The following SDS variants were observed in gnomAD, a reference collection of about 807,000 sequenced individuals.
SDS encodes the protein L-serine dehydratase/L-threonine deaminase.
In SDS, 19 loss-of-function variants were observed where a neutral mutation model predicts 29.3. That is an observed-to-expected ratio of 0.65 (90% CI 0.45 to 0.95). The LOEUF (loss-of-function observed/expected upper bound fraction) is 0.95, where lower values mean the gene tolerates loss of function less well. Ranked by LOEUF, SDS falls within the 40% of genes least tolerant of loss-of-function variation. SDS has a pLI of 0.00. For synonymous variants in SDS, 176 were observed against 189.0 expected (o/e 0.93, Z 0.56); for missense variants, 375 against 439.9 (o/e 0.85, Z 1.32).
Position 113,397,313 on chromosome 12 carries a change from C to T in SDS, c.505G>A (p.Gly169Ser), listed in dbSNP as rs371872753. 22 of 1,613,996 alleles carry T rather than the reference C, an allele frequency of 1.4e-5. No homozygotes were observed. Among genetic ancestry groups the T allele is most frequent in the Admixed American group, 1.7e-5 (1 of 60,008 alleles). ...KPGAIALSVGGGGLLCGVVQG... is the reference protein window; with the variant it reads ...KPGAIALSVGSGGLLCGVVQG... ...ACCACTCCACACAGCAGGCCCCCGCCGCCCACTGACAGCGCGATGGCCCCC... is the reference window on the plus strand; with the variant it reads ...ACCACTCCACACAGCAGGCCCCCGCTGCCCACTGACAGCGCGATGGCCCCC... Residue 169 changes from glycine (G) to serine (S), a missense_variant, in exon 6 of 8, where the codon GGC becomes AGC. Gly to Ser is a moderately conservative substitution (Grantham distance 56). Coordinates refer to ENST00000257549, the MANE Select transcript of SDS (RefSeq NM_006843.3).
intron 5 of SDS, among the ~76,000 whole-genome samples, chr12:113,397,636 G>C (rs932490320): frequency 1.3e-5 from 2 of 152,172 alleles, no homozygotes; most frequent in Non-Finnish European, 2.9e-5. Flanking sequence ...CAATGGCTAC[G>C]AGTCGGTGTA....
At position 113,397,198 on chromosome 12, in the gene SDS, G is replaced by C; in HGVS notation, c.620C>G (p.Ala207Gly). Residue 207 changes from alanine to glycine, a missense_variant, in exon 6 of 8, where the codon GCA (alanine) becomes GGA (glycine). By Grantham distance (60) the Ala-to-Gly change is moderately conservative (BLOSUM62 0). Transcript: ENST00000257549. ...CTTGGGCAGGGAGACAAGTTTGCCT[G>C]CGGTGGTGGCAGCGTGGAAGCTGTG... Reference protein sequence around the residue: ...GAHSFHAATTAGKLVSLPKIT... With the variant: ...GAHSFHAATTGGKLVSLPKIT... 3 of 1,614,216 alleles carry C rather than the reference G, an allele frequency of 1.9e-6. No individual in the cohort carries two copies. The highest frequency in any genetic ancestry group is 2.5e-6 in the Non-Finnish European group (3 of 1,180,038).
chr12:113,396,547 T>TCTC (rs1565869431), intron 6 of SDS: 1 of 30,132 alleles, frequency 3.3e-5, no homozygotes, highest in Non-Finnish European at 7.2e-5. Context: ...CCTCTCTCCC[T>TCTC]TCCTTCCTTC....
At chr12:113,398,112 C>T (rs1957659842) in intron 5 of SDS, among the ~76,000 whole-genome samples, 1 of 150,414 alleles carries the variant, frequency 6.6e-6, no homozygotes, top group South Asian at 2.1e-4. Context: ...ACTCTCTTGC[C>T]CAGGCTGGAG....
intron 1 of SDS, among the ~76,000 whole-genome samples, chr12:113,401,276 C>T (rs566797196): frequency 1.2e-4 from 18 of 152,254 alleles, no homozygotes; most frequent in African/African-American, 4.3e-4. Flanking sequence ...AATAACCTAA[C>T]TTTTGGGAAG....
At chr12:113,396,299 A>G (rs184530190) in intron 6 of SDS, among the ~76,000 whole-genome samples, 14 of 152,002 alleles carry the variant, frequency 9.2e-5, no homozygotes, top group African/African-American at 3.1e-4. Flanking sequence ...AATGATTCCT[A>G]TGAGACCTTC....
In SDS at chr12:113,398,515, C is replaced by A; in HGVS notation, c.425G>T (p.Trp142Leu). The change falls in exon 5 of 8, where the codon TGG becomes TTG. Residue 142 changes from tryptophan (W) to leucine (L), a missense_variant and splice_region_variant. Physicochemically the swap from Trp to Leu is moderately conservative, Grantham distance 61. Transcript: ENST00000257549. ...YIPPFDDPLI[W>L]EGHASIVKEL... ...CCAAGTGACCTTGAACTCCACATACCAGATGAGGGGGTCATCAAAGGGGGG... is the reference window on the plus strand; with the variant it reads ...CCAAGTGACCTTGAACTCCACATACAAGATGAGGGGGTCATCAAAGGGGGG... 6.3e-7 allele frequency: 1 copy of A among 1,586,390 alleles called. No homozygotes were observed. Among genetic ancestry groups the A allele is most frequent in the Non-Finnish European group, 8.6e-7 (1 of 1,167,242 alleles).
At chr12:113,393,803 G>T in intron 7 of SDS, 89 bp downstream of exon 7, 4 of 1,561,914 alleles carry the variant, frequency 2.6e-6, no homozygotes, top group South Asian at 1.1e-5. Flanking sequence ...GGAAACTTGG[G>T]GTGAGTGGGA....
intron 6 of SDS, 182 bp downstream of exon 6, chr12:113,396,981 TCA>T (rs1957650694): frequency 1.7e-6 from 1 of 604,220 alleles, no homozygotes; most frequent in African/African-American, 1.9e-5. Context: ...CATGTTGGAG[TCA>T]CACAGACTTG....
intron 5 of SDS, 72 bp from the exon 6 acceptor site, chr12:113,397,464 G>T: frequency 7.7e-7 from 1 of 1,295,802 alleles, no homozygotes; most frequent in South Asian, 1.4e-5. Flanking sequence ...GTTTGCACCG[G>T]CCTTATCCCA....
Position 113,393,137 on chromosome 12 carries a change from A to G in SDS, c.791T>C (p.Ile264Thr). ...TGCCCCGCAGGCGGGCTCCACCAGG[A>G]TCTTCTCATCATCTGCCAGAGAAGG... is the stretch of plus-strand genomic sequence containing the variant. Reference protein sequence around the residue: ...AIEKFVDDEKILVEPACGAAL... With the variant: ...AIEKFVDDEKTLVEPACGAAL... Residue 264 changes from isoleucine to threonine, a missense_variant, in exon 8 of 8, where the codon ATC (isoleucine) becomes ACC (threonine). By Grantham distance (89) the Ile-to-Thr change is moderately conservative (BLOSUM62 -1). Coordinates refer to ENST00000257549, the MANE Select transcript of SDS (RefSeq NM_006843.3). 1 of 1,613,818 alleles carries G rather than the reference A, an allele frequency of 6.2e-7. No homozygotes were observed. The highest frequency in any genetic ancestry group is 8.5e-7 in the Non-Finnish European group (1 of 1,179,990).
chr12:113,395,910 G>A lies in SDS; in HGVS notation c.653+1255C>T, dbSNP rs527571558. Among the ~76,000 whole-genome samples the A allele has an allele frequency of 2.8e-4, 43 of 152,284 alleles. No individual in the cohort carries two copies. The South Asian group carries it at 4.6e-3, about 16-fold the overall frequency. On this transcript the variant is annotated intron_variant, in intron 6 of 7. Transcript: ENST00000257549. ...GCAGATCACCTGAGGTGAGGAGTTCGAGACTAGCCTGGCTAACACGGTAAA... is the reference window on the plus strand; with the variant it reads ...GCAGATCACCTGAGGTGAGGAGTTCAAGACTAGCCTGGCTAACACGGTAAA...
intron 6 of SDS, chr12:113,396,810 AAAC>A: frequency 3.4e-6 from 1 of 293,984 alleles, no homozygotes; most frequent in Non-Finnish European, 6.5e-6. Context: ...AAAAAACAAA[AAAC>A]TTTTTTTAGA....
rs772577348 is a variant in SDS at position 113,399,162 on chromosome 12, A to G, written c.154-11T>C. The G allele has an allele frequency of 4.7e-5, 76 of 1,613,594 alleles. No individual in the cohort carries two copies. The highest frequency in any genetic ancestry group is 3.4e-6 in the Non-Finnish European group (4 of 1,179,804). ...GCCTTGCTTGGCCCACTGTGGAGAC[A>G]ACAGGAGAGGCACTCAGGCCCACCT... On this transcript the variant is annotated splice_polypyrimidine_tract_variant and intron_variant, in intron 2 of 7. Coordinates refer to ENST00000257549, the MANE Select transcript of SDS (RefSeq NM_006843.3).
rs760616644 is a variant in SDS, at chr12:113,392,954, C to T, written c.974G>A (p.Arg325Lys). The change falls in exon 8 of 8, where the codon AGG (arginine) becomes AAG (lysine). Residue 325 changes from arginine to lysine, a missense_variant. Physicochemically the swap from Arg to Lys is conservative, Grantham distance 26. Coordinates refer to ENST00000257549, the MANE Select transcript of SDS (RefSeq NM_006843.3). Reference protein sequence around the residue: ...ALKEQLGMTNRLPK With the variant: ...ALKEQLGMTNKLPK Reference sequence around the variant, plus strand: ...AGGGGTCCGTCCTCACTTGGGCAACCTATTTGTCATGCCCAGCTGTTCCTT... The same window carrying T: ...AGGGGTCCGTCCTCACTTGGGCAACTTATTTGTCATGCCCAGCTGTTCCTT... 2 of 1,614,134 alleles carry T rather than the reference C, an allele frequency of 1.2e-6. No individual in the cohort carries two copies. Among genetic ancestry groups the T allele is most frequent in the East Asian group, 2.2e-5 (1 of 44,880 alleles).
Position 113,392,481 on chromosome 12 carries a change from A to T in SDS, c.*460T>A, listed in dbSNP as rs905647324. ...AATATATTTTATTTTTCAATGAAAA[A>T]GTTTGCACATTAGAAAAATTAGTAA... On this transcript the variant is annotated 3_prime_UTR_variant, in exon 8 of 8. Transcript: ENST00000257549. 6.3e-6 allele frequency: 1 copy of T among 158,798 alleles called. No individual in the cohort carries two copies. Among genetic ancestry groups the T allele is most frequent in the Non-Finnish European group, 1.4e-5 (1 of 72,998 alleles). The allele number at this position is 158,798 out of a possible 1,614,324, so 9.8% of individuals were successfully genotyped here. A position where few individuals can be genotyped will look rare whatever the true frequency, so the allele number is the denominator to read the frequency against.
chr12:113,403,477 T>C (rs1314329546), intron 1 of SDS, among the ~76,000 whole-genome samples: 1 of 151,954 alleles, frequency 6.6e-6, no homozygotes, highest in East Asian at 2.0e-4. Context: ...TGAGCCCAGA[T>C]TGTGCCATTG....
At position 113,399,562 on chromosome 12, in the gene SDS, G is replaced by A. The variant is rs769459712; in HGVS notation, c.147C>T (p.Cys49=). The A allele has an allele frequency of 1.3e-6, 2 of 1,587,422 alleles. No individual in the cohort carries two copies. Among genetic ancestry groups the A allele is most frequent in the Middle Eastern group, 2.1e-4 (1 of 4,700 alleles). The change falls in exon 2 of 8, where the codon TGC becomes TGT. Residue 49 remains cysteine (C), a synonymous_variant. Transcript: ENST00000257549. ...SFKIRGIGHF[C]KRWAKQGCAH... Reference sequence around the variant, plus strand: ...TGCTGACCCGGTCCCGTACCCTCTTGCAGAAGTGCCCAATGCCCCGGATCT... The same window carrying A: ...TGCTGACCCGGTCCCGTACCCTCTTACAGAAGTGCCCAATGCCCCGGATCT...
At chr12:113,398,988 C>T (rs774503487) in intron 3 of SDS, 124 bp downstream of exon 3, 1 of 1,547,506 alleles carries the variant, frequency 6.5e-7, no homozygotes, top group Non-Finnish European at 8.8e-7. Context: ...CCTGGAATTC[C>T]AAATTGGTGG....
Sources: allele counts gnomAD v4.1 joint callset (sites outside exome capture counted in the v4.1 genomes callset), GRCh38; gene constraint gnomAD v4.1.1; transcripts MANE v1.5; gene names NCBI Gene and HGNC (gene_info 2026-07-23, HGNC 2026-07-21).